CDIN1: variants seen among roughly 807,000 people sequenced by gnomAD.
CDIN1 encodes the protein CDAN1 interacting nuclease 1, also known as CDAN1-interacting nuclease 1.
A neutral mutation model predicts 45.3 loss-of-function variants in CDIN1; 33 were observed. The observed-to-expected ratio is 0.73, with a 90% CI of 0.55 to 0.97. The LOEUF is 0.97. Ranked by LOEUF, CDIN1 falls within the 50% of genes least tolerant of loss-of-function variation. The pLI, the probability that CDIN1 is intolerant of heterozygous loss-of-function variation, is 0.00. For missense variants in CDIN1, 303 were observed against 339.4 expected (o/e 0.89, Z 0.84); for synonymous variants, 118 against 124.4 (o/e 0.95, Z 0.34).
chr15:36,714,780 T>C (rs923316810), intron 10 of CDIN1, among the ~76,000 whole-genome samples: 2 of 152,178 alleles, frequency 1.3e-5, no homozygotes, highest in African/African-American at 4.8e-5. Flanking sequence ...TTGCACACTC[T>C]GGTTGTCTGC....
At position 36,808,806 on chromosome 15, in the gene CDIN1, A is replaced by C. The variant is rs140644576; in HGVS notation, c.*353A>C. 8 of 459,430 alleles carry C rather than the reference A, an allele frequency of 1.7e-5. No homozygotes were observed. The highest frequency in any genetic ancestry group is 2.6e-5 in the Non-Finnish European group (6 of 230,566). 28.5% of individuals were successfully genotyped at this position (459,430 alleles called of 1,614,324 possible). ...GAAGACTGAAAGGTGTGATTTTTCA[A>C]TTCTCCTCCCAGTTACCGAATCACC... On this transcript the variant is annotated 3_prime_UTR_variant, in exon 11 of 11. Coordinates refer to ENST00000566621, the MANE Select transcript of CDIN1 (RefSeq NM_001321759.2).
rs528695899 is a variant in CDIN1, at chr15:36,688,520, A to G, written c.347-3165A>G. Among the ~76,000 whole-genome samples the G allele has an allele frequency of 2.6e-5, 4 of 152,310 alleles. No individual in the cohort carries two copies. The South Asian group carries it at 8.3e-4, about 32-fold the overall frequency. Reference sequence around the variant, plus strand: ...CCTGCTTTATACATACTTTGTAGAAAATTGTAATCCTGTTCATTGTAATCC... The same window carrying G: ...CCTGCTTTATACATACTTTGTAGAAGATTGTAATCCTGTTCATTGTAATCC... On this transcript the variant is annotated intron_variant, in intron 5 of 10. Transcript: ENST00000566621.
chr15:36,784,567 A>G (rs998158542), intron 10 of CDIN1, among the ~76,000 whole-genome samples: 1 of 152,160 alleles, frequency 6.6e-6, no homozygotes, highest in Non-Finnish European at 1.5e-5. Flanking sequence ...TGTTGCCCTT[A>G]TTATATTTGC....
At chr15:36,606,505 T>C (rs2038385674) in intron 1 of CDIN1, among the ~76,000 whole-genome samples, 3 of 152,182 alleles carry the variant, frequency 2.0e-5, no homozygotes, top group Admixed American at 2.0e-4. Flanking sequence ...AAGGATTTCA[T>C]GTGGTAAACT....
At chr15:36,640,777 C>A in intron 1 of CDIN1, 3 of 372,240 alleles carry the variant, frequency 8.1e-6, no homozygotes, top group South Asian at 1.1e-4. Context: ...ACTCTCCCAA[C>A]TCTTTGAGGC....
chr15:36,579,829 T>A lies in CDIN1; in HGVS notation c.-32T>A, dbSNP rs538623835. On this transcript the variant is annotated 5_prime_UTR_variant, in exon 1 of 11. Transcript: ENST00000566621. The stretch of plus-strand genomic sequence containing the variant: ...CTTGAGCCCCAGGGTGTTTTTTCCT[T>A]GTTCCCGCCACCTCCTGGTCCCTGG... 5.2e-5 allele frequency: 83 copies of A among 1,583,978 alleles called. No homozygotes were observed. The highest frequency in any genetic ancestry group is 7.1e-5 in the Admixed American group (4 of 56,616).
chr15:36,583,582 TC>T (rs1233367732), intron 1 of CDIN1, among the ~76,000 whole-genome samples: 1 of 152,230 alleles, frequency 6.6e-6, no homozygotes, highest in Non-Finnish European at 1.5e-5. Context: ...TCATTTAATG[TC>T]TTCGGTAGGG....
intron 5 of CDIN1, among the ~76,000 whole-genome samples, chr15:36,660,155 C>T (rs1487239575): frequency 6.6e-6 from 1 of 151,944 alleles, no homozygotes; most frequent in Non-Finnish European, 1.5e-5. Context: ...CATTATGAAA[C>T]AATGCGGGGA....
intron 10 of CDIN1, among the ~76,000 whole-genome samples, chr15:36,800,903 G>A (rs1438143454): frequency 0.057 from 1,087 of 18,954 alleles, 8 homozygotes; most frequent in South Asian, 0.11. Context: ...GTGTGTGTGT[G>A]TGTGTGTATA....
chr15:36,726,704 A>C (rs1414692762), intron 10 of CDIN1, among the ~76,000 whole-genome samples: 1 of 152,214 alleles, frequency 6.6e-6, no homozygotes, highest in Non-Finnish European at 1.5e-5. Context: ...CTAACATTGC[A>C]ACCCACCACT....
intron 1 of CDIN1, among the ~76,000 whole-genome samples, chr15:36,616,924 C>CA (rs922342474): frequency 6.6e-6 from 1 of 150,918 alleles, no homozygotes; most frequent in African/African-American, 2.4e-5. Context: ...GACTTAGTGT[C>CA]AAAAAAATAT....
intron 10 of CDIN1, among the ~76,000 whole-genome samples, chr15:36,727,655 C>A (rs935842712): frequency 5.3e-5 from 8 of 152,188 alleles, no homozygotes; most frequent in Non-Finnish European, 1.2e-4. Flanking sequence ...ATTATTCTCA[C>A]ATGCTACTGA....
intron 1 of CDIN1, among the ~76,000 whole-genome samples, chr15:36,642,668 C>T (rs2040157706): frequency 6.6e-6 from 1 of 152,206 alleles, no homozygotes; most frequent in Non-Finnish European, 1.5e-5. Flanking sequence ...TCTCCAACTG[C>T]CTCTTCCCAT....
intron 10 of CDIN1, among the ~76,000 whole-genome samples, chr15:36,714,965 T>G (rs2043172292): frequency 6.6e-6 from 1 of 152,160 alleles, no homozygotes; most frequent in African/African-American, 2.4e-5. Flanking sequence ...CCTTACTTCA[T>G]GGATTCAGAT....
At chr15:36,670,392 G>A (rs1464683447) in intron 5 of CDIN1, among the ~76,000 whole-genome samples, 1 of 152,070 alleles carries the variant, frequency 6.6e-6, no homozygotes, top group Non-Finnish European at 1.5e-5. Context: ...AAAGAGGCCT[G>A]ATAAGTATCA....
chr15:36,588,568 G>A (rs1595709311), intron 1 of CDIN1, among the ~76,000 whole-genome samples: 1 of 152,148 alleles, frequency 6.6e-6, no homozygotes, highest in Non-Finnish European at 1.5e-5. Flanking sequence ...ATACACCCAG[G>A]AAGGATATCT....
At chr15:36,722,071 A>C (rs919826391) in intron 10 of CDIN1, among the ~76,000 whole-genome samples, 2 of 152,050 alleles carry the variant, frequency 1.3e-5, no homozygotes, top group Non-Finnish European at 2.9e-5. Context: ...TTTGTTTTTT[A>C]ACTTTGAACA....
intron 10 of CDIN1, among the ~76,000 whole-genome samples, chr15:36,801,438 G>A (rs2055043016): frequency 6.6e-6 from 1 of 152,052 alleles, no homozygotes; most frequent in Non-Finnish European, 1.5e-5. Context: ...GTATACTAGA[G>A]GTATTTTAGG....
At chr15:36,691,959 T>C (rs981907327) in intron 6 of CDIN1, among the ~76,000 whole-genome samples, 167 bp from the exon 7 acceptor site, 2 of 151,514 alleles carry the variant, frequency 1.3e-5, no homozygotes, top group Non-Finnish European at 1.5e-5. Flanking sequence ...ATAAAAAGCA[T>C]GCAATTTTTG....
Sources: gnomAD v4.1 joint callset for allele counts (sites outside exome capture counted in the v4.1 genomes callset) on GRCh38, gnomAD v4.1.1 for gene constraint, MANE v1.5 for transcripts, NCBI Gene and HGNC (gene_info 2026-07-23, HGNC 2026-07-21) for gene names.